BICRA: variants seen among roughly 807,000 people sequenced by gnomAD.
BICRA encodes BRD4 interacting chromatin remodeling complex associated protein.
A neutral mutation model predicts 96.9 loss-of-function variants in BICRA; 31 were observed. The ratio of observed to expected loss-of-function variants is 0.32; its 90% CI spans 0.24 to 0.43. The LOEUF (loss-of-function observed/expected upper bound fraction) is 0.43, where lower values mean the gene tolerates loss of function less well. Ranked by LOEUF, BICRA falls within the 20% of genes least tolerant of loss-of-function variation. BICRA has a pLI of 1.00. For synonymous variants in BICRA, 1,350 were observed against 1,071.8 expected, an observed-to-expected ratio of 1.26 and a Z score of -5.07; for missense variants, 2,283 against 2,190.3, an observed-to-expected ratio of 1.04 and a Z score of -0.84.
In BICRA at chr19:47,681,052, C is replaced by T. The variant is rs1400179466; in HGVS notation, c.1882C>T (p.Pro628Ser). Residue 628 changes from proline to serine, a missense_variant, in exon 6 of 15, where the codon CCC (proline) becomes TCC (serine). Physicochemically the swap from Pro to Ser is moderately conservative, Grantham distance 74 (BLOSUM62 -1). Transcript: ENST00000594866. ...CACGGTGCAGCCTGCCCCCCAGGCGCCCCCCGCGGTCAGCACACCCCTGCC... is the reference window on the plus strand; with the variant it reads ...CACGGTGCAGCCTGCCCCCCAGGCGTCCCCCGCGGTCAGCACACCCCTGCC... ...VLTVQPAPQAPPAVSTPLPLG... is the reference protein window; with the variant it reads ...VLTVQPAPQASPAVSTPLPLG... 3 of 1,402,522 alleles carry T rather than the reference C, an allele frequency of 2.1e-6. No homozygotes were observed. Among genetic ancestry groups the T allele is most frequent in the East Asian group, 3.0e-5 (1 of 33,630 alleles). The allele number at this position is 1,402,522 out of a possible 1,614,324, so 86.9% of individuals were successfully genotyped here.
intron 7 of BICRA, among the ~76,000 whole-genome samples, chr19:47,685,455 T>C (rs1973130205): frequency 6.6e-6 from 1 of 152,062 alleles, no homozygotes; most frequent in African/African-American, 2.4e-5. Flanking sequence ...GAATGTTTGT[T>C]GGGTGAGCAA....
chr19:47,696,968 T>C (rs1973354381), intron 11 of BICRA, among the ~76,000 whole-genome samples: 1 of 149,056 alleles, frequency 6.7e-6, no homozygotes, highest in Non-Finnish European at 1.5e-5. Flanking sequence ...GCCTGCCCTC[T>C]CTCCTGCCCT....
At position 47,701,822 on chromosome 19, in the gene BICRA, G is replaced by C. The variant is rs1483004253; in HGVS notation, c.4090G>C (p.Asp1364His). The C allele has an allele frequency of 1.3e-6, 2 of 1,530,830 alleles. No individual in the cohort carries two copies. The highest frequency in any genetic ancestry group is 1.4e-5 in the African/African-American group (1 of 72,026). 94.8% of individuals were successfully genotyped at this position (1,530,830 alleles called of 1,614,324 possible). ...CACGGGCCAGATGAACGGCACGGTG[G>C]ACCACCCGCCGCCTGCCGCCCCCGA... Reference protein sequence around the residue: ...PPTGQMNGTVDHPPPAAPERK... With the variant: ...PPTGQMNGTVHHPPPAAPERK... Residue 1364 changes from aspartate (D) to histidine (H), a missense_variant, in exon 15 of 15, where the codon GAC (aspartate) becomes CAC (histidine). Physicochemically the swap from Asp to His is moderately conservative, Grantham distance 81 (BLOSUM62 -1). Coordinates refer to ENST00000594866, the MANE Select transcript of BICRA (RefSeq NM_001394372.1). The surrounding 1 kb of genome is among the most constrained non-coding windows in gnomAD (Gnocchi z 5.4).
rs1973006501 is a variant in BICRA, at chr19:47,679,967, C to T, written c.797C>T (p.Ala266Val). 3.4e-6 allele frequency: 5 copies of T among 1,486,038 alleles called. No individual in the cohort carries two copies. The highest frequency in any genetic ancestry group is 2.6e-5 in the South Asian group (2 of 76,984). 92.1% of individuals were successfully genotyped at this position (1,486,038 alleles called of 1,614,324 possible). A position where few individuals can be genotyped will look rare whatever the true frequency, so the allele number is the denominator to read the frequency against. Reference sequence around the variant, plus strand: ...CCCGTCAGCGGCTACCTGGCCTCGGCGGCTGGCCCCTCGGAGCCCGTGACG... The same window carrying T: ...CCCGTCAGCGGCTACCTGGCCTCGGTGGCTGGCCCCTCGGAGCCCGTGACG... Reference protein sequence around the residue: ...QVPVSGYLASAAGPSEPVTLA... With the variant: ...QVPVSGYLASVAGPSEPVTLA... The change falls in exon 6 of 15, where the codon GCG (alanine) becomes GTG (valine). Residue 266 changes from alanine (A) to valine (V), a missense_variant. Coordinates refer to ENST00000594866, the MANE Select transcript of BICRA (RefSeq NM_001394372.1).
At chr19:47,619,663 C>T (rs986249307) in intron 1 of BICRA, among the ~76,000 whole-genome samples, 9 of 151,920 alleles carry the variant, frequency 5.9e-5, no homozygotes, top group Non-Finnish European at 2.9e-5. Flanking sequence ...TTTGGGAGGG[C>T]GAGGTGGGAG....
rs779025747 is a variant in BICRA, at chr19:47,701,908, C to T, written c.4176C>T (p.Arg1392=). The part of the protein sequence containing the change: ...CPRLPLRKTY[R]ENVGGPGAPE... ...GCCTGCCACTGCGCAAGACCTACCG[C>T]GAGAACGTGGGGGGCCCTGGCGCGC... The change falls in exon 15 of 15, where the codon CGC becomes CGT. Residue 1392 remains arginine (R), a synonymous_variant. Coordinates refer to ENST00000594866, the MANE Select transcript of BICRA (RefSeq NM_001394372.1). The surrounding 1 kb of genome is among the most constrained non-coding windows in gnomAD (Gnocchi z 5.4). 4.9e-5 allele frequency: 70 copies of T among 1,441,730 alleles called. No homozygotes were observed. Among genetic ancestry groups the T allele is most frequent in the Middle Eastern group, 1.9e-4 (1 of 5,260 alleles). 89.3% of individuals were successfully genotyped at this position (1,441,730 alleles called of 1,614,324 possible).
intron 1 of BICRA, among the ~76,000 whole-genome samples, chr19:47,616,202 G>A (rs1395054706): frequency 1.3e-5 from 2 of 152,280 alleles, no homozygotes; most frequent in Admixed American, 1.3e-4. Flanking sequence ...CAGTGCCTGG[G>A]GTATAGCAAG....
intron 1 of BICRA, among the ~76,000 whole-genome samples, chr19:47,633,219 A>T (rs1034164091): frequency 2.0e-5 from 3 of 150,552 alleles, no homozygotes; most frequent in Admixed American, 6.7e-5. Context: ...AGCTGGGATT[A>T]TAGGTGCCCG....
At chr19:47,631,895 C>T (rs1252804954) in intron 1 of BICRA, among the ~76,000 whole-genome samples, 3 of 152,302 alleles carry the variant, frequency 2.0e-5, no homozygotes, top group Non-Finnish European at 4.4e-5. Context: ...GTGATCCACC[C>T]GCTTCACCCT....
At position 47,680,832 on chromosome 19, in the gene BICRA, C is replaced by T; in HGVS notation, c.1662C>T (p.Leu554=). ...AAPIQVGQPA[L]FQMPVSLAAG... is the part of the protein sequence containing the mutation. ...CCATCCAGGTGGGCCAGCCTGCGCT[C>T]TTCCAGATGCCCGTGTCGCTGGCGG... is the stretch of plus-strand genomic sequence containing the variant. The change falls in exon 6 of 15, where the codon CTC becomes CTT. Residue 554 remains leucine (L), a synonymous_variant. Coordinates refer to ENST00000594866, the MANE Select transcript of BICRA (RefSeq NM_001394372.1). The T allele has an allele frequency of 6.3e-7, 1 of 1,598,786 alleles. No individual in the cohort carries two copies. The highest frequency in any genetic ancestry group is 8.5e-7 in the Non-Finnish European group (1 of 1,176,662).
rs532222335 is a variant in BICRA at position 47,610,989 on chromosome 19, A to G, written c.-108+1821A>G. On this transcript the variant is annotated intron_variant, in intron 1 of 14. Transcript: ENST00000594866. ...TAGGGAGCTTTATTCCGCTGCTGCT[A>G]AGTACATTACACGCTGGCCACAGTC... Among the ~76,000 whole-genome samples the G allele has an allele frequency of 2.0e-5, 3 of 152,310 alleles. No individual in the cohort carries two copies. In the East Asian group the frequency reaches 5.8e-4, roughly 29 times the overall value.
intron 1 of BICRA, among the ~76,000 whole-genome samples, chr19:47,614,317 T>C (rs1460895155): frequency 6.6e-6 from 1 of 152,060 alleles, no homozygotes; most frequent in Non-Finnish European, 1.5e-5. Flanking sequence ...ATGGATGTTA[T>C]GTGTTTAAAA....
At chr19:47,685,782 T>TGTGTGTGCGCGCGC (rs1973140439) in intron 7 of BICRA, among the ~76,000 whole-genome samples, 2 of 124,840 alleles carry the variant, frequency 1.6e-5, no homozygotes, top group Non-Finnish European at 3.2e-5. Context: ...TGTGTGTGTG[T>TGTGTGTGCGCGCGC]GTGTGCGCGC....
intron 1 of BICRA, among the ~76,000 whole-genome samples, chr19:47,669,154 C>T (rs555257149): frequency 1.3e-4 from 20 of 152,042 alleles, no homozygotes; most frequent in African/African-American, 4.1e-4. Flanking sequence ...AAGCAGGGTG[C>T]AGAAATCTAG....
chr19:47,650,953 A>T (rs1381566370), intron 1 of BICRA, among the ~76,000 whole-genome samples: 1 of 151,986 alleles, frequency 6.6e-6, no homozygotes, highest in African/African-American at 2.4e-5. Context: ...GGCCTTCTCA[A>T]ATGCTGGAGG....
chr19:47,674,912 G>A lies in BICRA; in HGVS notation c.85-939G>A, dbSNP rs140492193. ...TCACTAGAAGCTAATCAGTCAGTCT[G>A]GCCAGCACTCAGAGGGAGGGGAATT... On this transcript the variant is annotated intron_variant, in intron 4 of 14. Transcript: ENST00000594866. 1.5e-3 allele frequency among the ~76,000 whole-genome samples: 226 copies of A among 152,290 alleles called. 2 individuals are homozygous for A. The highest frequency in any genetic ancestry group is 5.2e-3 in the African/African-American group (216 of 41,556).
chr19:47,621,929 T>A lies in BICRA; in HGVS notation c.-108+12761T>A, dbSNP rs145609762. Among the ~76,000 whole-genome samples, 1,052 of 152,070 alleles carry A rather than the reference T, an allele frequency of 6.9e-3. 16 individuals are homozygous for A. Among genetic ancestry groups the A allele is most frequent in the African/African-American group, 0.024 (1,001 of 41,512 alleles). On this transcript the variant is annotated intron_variant, in intron 1 of 14. Coordinates refer to ENST00000594866, the MANE Select transcript of BICRA (RefSeq NM_001394372.1). ...GCCTTGGCTTCTCAAGTAGCTGGTGTTACAGGCGTGCACCACCACCCCCAG... is the reference window on the plus strand; with the variant it reads ...GCCTTGGCTTCTCAAGTAGCTGGTGATACAGGCGTGCACCACCACCCCCAG...
intron 1 of BICRA, among the ~76,000 whole-genome samples, chr19:47,623,103 A>G (rs1300668992): frequency 6.6e-6 from 1 of 151,968 alleles, no homozygotes; most frequent in Non-Finnish European, 1.5e-5. Context: ...TAATAGAAAT[A>G]TAAAACTATA....
In BICRA at chr19:47,679,533, G is replaced by A; in HGVS notation, c.363G>A (p.Glu121=). 6.5e-7 allele frequency: 1 copy of A among 1,547,726 alleles called. No homozygotes were observed. The highest frequency in any genetic ancestry group is 8.7e-7 in the Non-Finnish European group (1 of 1,146,144). The change falls in exon 6 of 15, where the codon GAG becomes GAA. Residue 121 remains glutamate, a synonymous_variant. Coordinates refer to ENST00000594866, the MANE Select transcript of BICRA (RefSeq NM_001394372.1). ...ANITEQTLEA[E]AELDLGPFQL... is the part of the protein sequence containing the mutation. ...TCACGGAGCAGACGCTGGAGGCCGA[G>A]GCTGAGCTGGACCTGGGTCCCTTCC...
Sources: allele counts gnomAD v4.1 joint callset (sites outside exome capture counted in the v4.1 genomes callset), GRCh38; gene constraint gnomAD v4.1.1; non-coding constraint Gnocchi (gnomAD v3.1); transcripts MANE v1.5; gene names NCBI Gene and HGNC (gene_info 2026-07-23, HGNC 2026-07-21).